UGT2B4: variants seen among roughly 807,000 people sequenced by gnomAD.
UGT2B4 encodes UDP-glucuronosyltransferase 2B4.
A neutral mutation model predicts 49.8 loss-of-function variants in UGT2B4; 49 were observed. The observed-to-expected ratio is 0.98, with a 90% CI of 0.78 to 1.25. The LOEUF is 1.25. Ranked by LOEUF, UGT2B4 falls within the 50% of genes most tolerant of loss-of-function variation. The probability of loss-of-function intolerance (pLI) is 0.00; values close to 1 mark genes in which losing one functional copy is unlikely to be tolerated. For synonymous variants in UGT2B4, 246 were observed against 217.7 expected (o/e 1.13, Z -1.14); for missense variants, 729 against 627.7 (o/e 1.16, Z -1.73).
At chr4:69,481,117 A>AAAAAAAAAT (rs1727578074) in intron 5 of UGT2B4, among the ~76,000 whole-genome samples, 1 of 139,900 alleles carries the variant, frequency 7.1e-6, no homozygotes, top group Admixed American at 7.3e-5. Context: ...AAAAAAAAAA[A>AAAAAAAAAT]GATTACCCAG....
chr4:69,509,432 A>G (rs990907663), intron 1 of UGT2B4, among the ~76,000 whole-genome samples: 4 of 152,076 alleles, frequency 2.6e-5, no homozygotes, highest in African/African-American at 7.2e-5. Context: ...AGTGTCTGCA[A>G]TATTTTATAT....
At position 69,493,788 on chromosome 4, in the gene UGT2B4, G is replaced by A. The variant is rs774803544; in HGVS notation, c.775C>T (p.Arg259Ter). ...TMAKADIWLIRNYWDFQFPHP... is the reference protein window; with the variant it reads ...TMAKADIWLI ...GGAAATTGAAAATCCCAGTAGTTTC[G>A]AATAAGCCATATGTCAGCTTTTGCC... is the stretch of plus-strand genomic sequence containing the variant. Residue 259 changes from arginine to a stop codon, truncating the protein, a stop_gained, in exon 2 of 6, where the codon CGA becomes TGA. Transcript: ENST00000305107. LOFTEE classifies it high-confidence loss of function. 42 of 1,608,480 alleles carry A rather than the reference G, an allele frequency of 2.6e-5. No individual in the cohort carries two copies. The highest frequency in any genetic ancestry group is 1.8e-4 in the East Asian group (8 of 44,432).
At chr4:69,493,352 TG>T (rs1417483368) in intron 2 of UGT2B4, among the ~76,000 whole-genome samples, 1 of 152,126 alleles carries the variant, frequency 6.6e-6, no homozygotes, top group African/African-American at 2.4e-5. Flanking sequence ...TAAGGTGTGT[TG>T]GGATAGAAAC....
At chr4:69,518,627 A>C (rs1464961848) in intron 1 of UGT2B4, among the ~76,000 whole-genome samples, 1 of 152,182 alleles carries the variant, frequency 6.6e-6, no homozygotes, top group Non-Finnish European at 1.5e-5. Context: ...AAATAGAGAT[A>C]ATTTTATTAC....
Position 69,495,218 on chromosome 4 carries a change from A to T in UGT2B4, c.644T>A (p.Ile215Asn), listed in dbSNP as rs760430619. Residue 215 changes from isoleucine (I) to asparagine (N), a missense_variant, in exon 1 of 6, where the codon ATC becomes AAC. Ile to Asn is a moderately radical substitution (Grantham distance 149, BLOSUM62 -3). Coordinates refer to ENST00000305107, the MANE Select transcript of UGT2B4 (RefSeq NM_021139.3). ...MTFIERVKNM[I>N]YVLYFEFWFQ... Reference sequence around the variant, plus strand: ...CCAAAATTCAAAATAAAGCACATAGATCATATTTTTTACCCTCTCTATGAA... The same window carrying T: ...CCAAAATTCAAAATAAAGCACATAGTTCATATTTTTTACCCTCTCTATGAA... 1 of 1,607,282 alleles carries T rather than the reference A, an allele frequency of 6.2e-7. No individual in the cohort carries two copies. The highest frequency in any genetic ancestry group is 8.5e-7 in the Non-Finnish European group (1 of 1,178,112).
At chr4:69,503,938 T>TA (rs1399150323) in intron 1 of UGT2B4, among the ~76,000 whole-genome samples, 13 of 152,282 alleles carry the variant, frequency 8.5e-5, no homozygotes, top group African/African-American at 3.1e-4. Context: ...CCACTGGAGT[T>TA]AAAGCACGTG....
upstream of UGT2B4, among the ~76,000 whole-genome samples, chr4:69,497,083 A>C (rs1728188799): frequency 6.6e-6 from 1 of 152,182 alleles, no homozygotes; most frequent in Non-Finnish European, 1.5e-5. Context: ...TACAAGATTA[A>C]AGTTCATCTT....
At chr4:69,504,696 A>G (rs1367403465) in intron 1 of UGT2B4, among the ~76,000 whole-genome samples, 4 of 152,170 alleles carry the variant, frequency 2.6e-5, no homozygotes, top group Non-Finnish European at 5.9e-5. Flanking sequence ...CATCCCTGAG[A>G]ATTTTCCCTA....
intron 1 of UGT2B4, among the ~76,000 whole-genome samples, chr4:69,501,574 A>C (rs879768886): frequency 2.0e-5 from 3 of 152,122 alleles, no homozygotes; most frequent in Admixed American, 2.0e-4. Flanking sequence ...ATGTGTGAGC[A>C]GACTGCTTTT....
chr4:69,517,006 A>G lies in UGT2B4; in HGVS notation c.-106+8681T>C, dbSNP rs147053827. On this transcript the variant is annotated intron_variant, in intron 1 of 1. Transcript: ENST00000510114. Reference sequence around the variant, plus strand: ...TTGAAAATTGCTTTAAATACCTTGTAGATTATGACTATTAGACCTTTGTCA... The same window carrying G: ...TTGAAAATTGCTTTAAATACCTTGTGGATTATGACTATTAGACCTTTGTCA... 4.3e-3 allele frequency among the ~76,000 whole-genome samples: 648 copies of G among 152,018 alleles called. 6 individuals carry two copies. The highest frequency in any genetic ancestry group is 0.013 in the African/African-American group (558 of 41,468).
intron 1 of UGT2B4, among the ~76,000 whole-genome samples, chr4:69,510,977 C>CCTTTTTT (rs1486311871): frequency 1.0e-5 from 1 of 98,168 alleles, no homozygotes; most frequent in Admixed American, 1.2e-4. Flanking sequence ...AATACTCTTT[C>CCTTTTTT]TTTTCTTTTC....
intron 2 of UGT2B4, among the ~76,000 whole-genome samples, chr4:69,490,995 G>A (rs1489306878): frequency 6.6e-6 from 1 of 152,100 alleles, no homozygotes; most frequent in Non-Finnish European, 1.5e-5. Flanking sequence ...CACTATGTAT[G>A]TAAGGTATTT....
At chr4:69,491,267 TTTA>T (rs1300930116) in intron 2 of UGT2B4, among the ~76,000 whole-genome samples, 3 of 152,052 alleles carry the variant, frequency 2.0e-5, no homozygotes, top group African/African-American at 4.8e-5. Context: ...AACTGAATAT[TTTA>T]TTGATAAAAT....
chr4:69,495,310 A>G lies in UGT2B4; in HGVS notation c.552T>C (p.Ser184=). 6.2e-7 allele frequency: 1 copy of G among 1,613,228 alleles called. No homozygotes were observed. Among genetic ancestry groups the G allele is most frequent in the East Asian group, 2.2e-5 (1 of 44,838 alleles). ...FSPGYAIEKH[S]GGLLFPPSYV... ...AGGAAGGAGGGAACAGAAGTCCTCCACTATGCTTTTCAATTGCGTAGCCAG... is the reference window on the plus strand; with the variant it reads ...AGGAAGGAGGGAACAGAAGTCCTCCGCTATGCTTTTCAATTGCGTAGCCAG... Residue 184 remains serine (S), a synonymous_variant, in exon 1 of 6, where the codon AGT becomes AGC. Transcript: ENST00000305107.
intron 5 of UGT2B4, among the ~76,000 whole-genome samples, chr4:69,484,455 C>T (rs1727703599): frequency 6.6e-6 from 1 of 151,880 alleles, no homozygotes; most frequent in African/African-American, 2.4e-5. Flanking sequence ...AATAAATGAA[C>T]TATTAATACA....
At chr4:69,484,844 C>G (rs573836657) in intron 5 of UGT2B4, among the ~76,000 whole-genome samples, 2 of 152,016 alleles carry the variant, frequency 1.3e-5, no homozygotes, top group African/African-American at 4.8e-5. Context: ...AGTGAGAAAA[C>G]AGATATACTT....
At chr4:69,485,098 C>T (rs2109804118) in intron 5 of UGT2B4, 110 bp downstream of exon 5, 2 of 1,348,658 alleles carry the variant, frequency 1.5e-6, no homozygotes, top group Non-Finnish European at 2.1e-6. Context: ...GTTTAAATCA[C>T]TTAAATTCTT....
chr4:69,501,806 C>A (rs904975344), intron 1 of UGT2B4, among the ~76,000 whole-genome samples: 3 of 151,808 alleles, frequency 2.0e-5, no homozygotes, highest in Admixed American at 2.0e-4. Context: ...CTGATATGTA[C>A]CCCCAGCACA....
At chr4:69,485,146 C>T (rs1727734323) in intron 5 of UGT2B4, 62 bp downstream of exon 5, 2 of 1,558,700 alleles carry the variant, frequency 1.3e-6, no homozygotes, top group Non-Finnish European at 8.8e-7. Context: ...AAAAGTCATA[C>T]TCACTATTCA....
Sources: allele counts gnomAD v4.1 joint callset (sites outside exome capture counted in the v4.1 genomes callset), GRCh38; gene constraint gnomAD v4.1.1; transcripts MANE v1.5; gene names NCBI Gene and HGNC (gene_info 2026-07-23, HGNC 2026-07-21).